Variants in TAOK3 observed in about 807,000 individuals in gnomAD.
TAOK3 encodes serine/threonine-protein kinase TAO3.
TAOK3 carries 40 observed loss-of-function variants against 120.4 expected under a neutral mutation model. The observed-to-expected ratio is 0.33, with a 90% CI of 0.26 to 0.43. The LOEUF (loss-of-function observed/expected upper bound fraction) is 0.43, where lower values mean the gene tolerates loss of function less well. TAOK3 is among the 20% of genes least tolerant of loss of function. The pLI is 1.00. For synonymous variants in TAOK3, 355 were observed against 387.5 expected (o/e 0.92, Z 0.99); for missense variants, 821 against 1,112.1 (o/e 0.74, Z 3.72).
intron 17 of TAOK3, 45 bp from the exon 18 acceptor site, chr12:118,162,072 T>A (rs1326518761): frequency 6.2e-7 from 1 of 1,600,154 alleles, no homozygotes; most frequent in Non-Finnish European, 8.5e-7. Context: ...TGAATGGAGA[T>A]GAACTGGAAG....
At position 118,372,772 on chromosome 12, in the gene TAOK3, G is replaced by A. The variant is rs1274635769; in HGVS notation, c.-318C>T. 1 of 152,648 alleles carries A rather than the reference G, an allele frequency of 6.6e-6. No homozygotes were observed. Among genetic ancestry groups the A allele is most frequent in the Non-Finnish European group, 1.5e-5 (1 of 68,396 alleles). The allele number at this position is 152,648 out of a possible 1,614,324, so 9.5% of individuals were successfully genotyped here. On this transcript the variant is annotated 5_prime_UTR_variant, in exon 1 of 21. Coordinates refer to ENST00000392533, the MANE Select transcript of TAOK3 (RefSeq NM_016281.4). This position sits in a 1 kb window ranked among gnomAD's most constrained non-coding sequence, Gnocchi z 4.6. ...GGATCCTTGGGTCCGGTCGCTGAGT[G>A]CCGGATCCGGCTGTGCGCAGCCTCT...
intron 9 of TAOK3, among the ~76,000 whole-genome samples, chr12:118,220,177 G>C (rs1270436047): frequency 1.3e-5 from 2 of 152,060 alleles, no homozygotes; most frequent in East Asian, 3.9e-4. Context: ...CAAAGTGCTG[G>C]GATTAGAGGC....
intron 13 of TAOK3, among the ~76,000 whole-genome samples, chr12:118,197,550 C>G (rs1267976612): frequency 1.3e-5 from 2 of 151,988 alleles, no homozygotes; most frequent in African/African-American, 4.8e-5. Flanking sequence ...AGTCCTGGAG[C>G]AAAAAGATCC....
chr12:118,294,418 C>T (rs1241657432), intron 1 of TAOK3, among the ~76,000 whole-genome samples: 2 of 151,526 alleles, frequency 1.3e-5, no homozygotes, highest in African/African-American at 4.8e-5. Context: ...GAGTCTCGCT[C>T]TGTGGCCCAG....
At chr12:118,189,191 C>T (rs1382746926) in intron 14 of TAOK3, among the ~76,000 whole-genome samples, 1 of 152,150 alleles carries the variant, frequency 6.6e-6, no homozygotes, top group Non-Finnish European at 1.5e-5. Flanking sequence ...CAGCCACTAC[C>T]ATTGTTGCAA....
At chr12:118,196,955 C>A (rs972592591) in intron 13 of TAOK3, among the ~76,000 whole-genome samples, 2 of 152,058 alleles carry the variant, frequency 1.3e-5, no homozygotes, top group South Asian at 2.1e-4. Context: ...GTTTAATATA[C>A]AAAATTTTCT....
At chr12:118,330,553 A>T (rs1368114706) in intron 1 of TAOK3, among the ~76,000 whole-genome samples, 1 of 152,152 alleles carries the variant, frequency 6.6e-6, no homozygotes, top group Non-Finnish European at 1.5e-5. Flanking sequence ...TGCAGTTGAT[A>T]GTTGGGCAAA....
intron 1 of TAOK3, among the ~76,000 whole-genome samples, chr12:118,267,762 G>A (rs1336442756): frequency 6.6e-6 from 1 of 150,844 alleles, no homozygotes; most frequent in East Asian, 2.0e-4. Flanking sequence ...GCATGTGCCT[G>A]TAATCCCAGC....
chr12:118,198,933 T>G, intron 13 of TAOK3, 118 bp downstream of exon 13: 1 of 1,048,032 alleles, frequency 9.5e-7, no homozygotes, highest in Non-Finnish European at 1.5e-6. Flanking sequence ...ACATGCCAGG[T>G]TTAGTACCAC....
In TAOK3 at chr12:118,358,854, T is replaced by C. The variant is rs149456542; in HGVS notation, c.-194+13794A>G. 4 of 152,318 alleles carry C rather than the reference T, an allele frequency of 2.6e-5. No homozygotes were observed. In the East Asian group the frequency reaches 7.7e-4, roughly 29 times the overall value. 9.4% of individuals were successfully genotyped at this position (152,318 alleles called of 1,614,324 possible). ...AGAGTTTACTCATTTTTTTTAACAG[T>C]GTTTAGACACAAACCATATTTATAA... is the stretch of plus-strand genomic sequence containing the variant. On this transcript the variant is annotated intron_variant, in intron 1 of 20. Transcript: ENST00000392533.
chr12:118,223,046 GTTC>G, intron 9 of TAOK3, among the ~76,000 whole-genome samples: 1 of 148,030 alleles, frequency 6.8e-6, no homozygotes, highest in Non-Finnish European at 1.5e-5. Flanking sequence ...AGGTATAAGG[GTTC>G]TTTTCTTTCT....
At chr12:118,152,596 T>C in intron 19 of TAOK3, 187 bp from the exon 20 acceptor site, 1 of 571,024 alleles carries the variant, frequency 1.8e-6, no homozygotes, top group Non-Finnish European at 3.1e-6. Flanking sequence ...CCCAATGGGC[T>C]ACAATACCAA....
intron 11 of TAOK3, among the ~76,000 whole-genome samples, chr12:118,206,135 G>A (rs2139362815): frequency 6.6e-6 from 1 of 152,132 alleles, no homozygotes; most frequent in East Asian, 1.9e-4. Flanking sequence ...CCTTCTTCCT[G>A]CCTGGAATGA....
At chr12:118,329,051 C>T (rs903073283) in intron 1 of TAOK3, among the ~76,000 whole-genome samples, 2 of 151,978 alleles carry the variant, frequency 1.3e-5, no homozygotes, top group African/African-American at 2.4e-5. Context: ...ATGTAGCACA[C>T]TTAAAGGGTA....
At chr12:118,310,266 G>C (rs184500454) in intron 1 of TAOK3, among the ~76,000 whole-genome samples, 2 of 152,300 alleles carry the variant, frequency 1.3e-5, no homozygotes, top group South Asian at 2.1e-4. Context: ...CTCTACAACA[G>C]AGTGAGATTA....
chr12:118,372,258 C>G lies in TAOK3; in HGVS notation c.-194+390G>C, dbSNP rs2045921775. ...CCTCTCGGGGACCCTTCCCCTCTCC[C>G]CGCTGTCCCTGACCTTTTCTGGGAC... On this transcript the variant is annotated intron_variant, in intron 1 of 20. Coordinates refer to ENST00000392533, the MANE Select transcript of TAOK3 (RefSeq NM_016281.4). The surrounding 1 kb of genome is among the most constrained non-coding windows in gnomAD (Gnocchi z 4.6). 6.6e-6 allele frequency among the ~76,000 whole-genome samples: 1 copy of G among 151,894 alleles called. No individual in the cohort carries two copies. The highest frequency in any genetic ancestry group is 1.5e-5 in the Non-Finnish European group (1 of 67,944).
At chr12:118,367,610 T>C (rs2045772804) in intron 1 of TAOK3, among the ~76,000 whole-genome samples, 1 of 152,118 alleles carries the variant, frequency 6.6e-6, no homozygotes, top group Non-Finnish European at 1.5e-5. Flanking sequence ...ACCAATTAAA[T>C]GGGTGATAAA....
intron 11 of TAOK3, among the ~76,000 whole-genome samples, chr12:118,206,947 C>G (rs1489154983): frequency 6.6e-6 from 1 of 152,084 alleles, no homozygotes; most frequent in South Asian, 2.1e-4. Flanking sequence ...AACTGGAATG[C>G]CCTCGGACTC....
chr12:118,224,828 T>A (rs2039422554), intron 9 of TAOK3, among the ~76,000 whole-genome samples: 1 of 152,062 alleles, frequency 6.6e-6, no homozygotes, highest in South Asian at 2.1e-4. Flanking sequence ...TTTAAAAAAA[T>A]ATATACTATT....
Sources: gnomAD v4.1 joint callset for allele counts (sites outside exome capture counted in the v4.1 genomes callset) on GRCh38, gnomAD v4.1.1 for gene constraint, Gnocchi (gnomAD v3.1) non-coding constraint, MANE v1.5 for transcripts, NCBI Gene and HGNC (gene_info 2026-07-23, HGNC 2026-07-21) for gene names.